PHF20: variants seen among roughly 807,000 people sequenced by gnomAD.
The protein encoded by PHF20 is glioma-expressed antigen 2.
PHF20 carries 23 observed loss-of-function variants against 113.5 expected under a neutral mutation model. The observed-to-expected ratio is 0.20, with a 90% CI of 0.15 to 0.29. The LOEUF is 0.29. PHF20 is among the 10% of genes least tolerant of loss of function. PHF20 has a pLI of 1.00. For missense variants in PHF20, 943 were observed against 1,219.6 expected, an observed-to-expected ratio of 0.77 and a Z score of 3.38; for synonymous variants, 434 against 457.3, an observed-to-expected ratio of 0.95 and a Z score of 0.65.
At chr20:35,784,627 G>T (rs918993229) in intron 1 of PHF20, among the ~76,000 whole-genome samples, 6 of 151,622 alleles carry the variant, frequency 4.0e-5, no homozygotes, top group African/African-American at 1.5e-4. Context: ...AACAGAGATG[G>T]AGTTTCACCA....
chr20:35,793,995 C>CAAAACAAAAAAAAAAAAAAAAAA lies in PHF20; in HGVS notation c.-32-7492_-32-7491insCAAAAAAAAAAAAAAAAAAAAAA, dbSNP rs1385077985. 2.7e-4 allele frequency among the ~76,000 whole-genome samples: 9 copies of CAAAACAAAAAAAAAAAAAAAAAA among 33,836 alleles called. 1 individual carries two copies. The highest frequency in any genetic ancestry group is 4.9e-4 in the Non-Finnish European group (9 of 18,292). The allele number at this position is 33,836 out of a possible 152,430, so 22.2% of individuals were successfully genotyped here. A position where few individuals can be genotyped will look rare whatever the true frequency, so the allele number is the denominator to read the frequency against. Reference sequence around the variant, plus strand: ...GGGCGACAAGAGCGGGACTCTGTCTCAAAAAAAAAAAAAAAAAAAAAAGGC... The same window carrying CAAAACAAAAAAAAAAAAAAAAAA: ...GGGCGACAAGAGCGGGACTCTGTCTCAAAACAAAAAAAAAAAAAAAAAAAAAAAAAAAAAAAAAAAAAAAAGGC... On this transcript the variant is annotated intron_variant, in intron 1 of 17. Coordinates refer to ENST00000374012, the MANE Select transcript of PHF20 (RefSeq NM_016436.5).
At chr20:35,894,038 A>C (rs956418106) in intron 9 of PHF20, among the ~76,000 whole-genome samples, 1 of 152,244 alleles carries the variant, frequency 6.6e-6, no homozygotes, top group African/African-American at 2.4e-5. Flanking sequence ...GTGTCATAGT[A>C]AAAGATGTCC....
At chr20:35,915,758 A>G (rs1418672054) in intron 12 of PHF20, among the ~76,000 whole-genome samples, 1 of 152,196 alleles carries the variant, frequency 6.6e-6, no homozygotes, top group East Asian at 1.9e-4. Flanking sequence ...AATGTGACAT[A>G]TGTGTTCATT....
intron 1 of PHF20, among the ~76,000 whole-genome samples, chr20:35,794,306 A>G (rs1405267024): frequency 1.3e-5 from 2 of 151,786 alleles, no homozygotes; most frequent in Non-Finnish European, 2.9e-5. Flanking sequence ...GTCTCAAAAA[A>G]AAAAAAAAAA....
chr20:35,800,738 T>A (rs1408678591), intron 1 of PHF20, among the ~76,000 whole-genome samples: 1 of 152,090 alleles, frequency 6.6e-6, no homozygotes, highest in Non-Finnish European at 1.5e-5. Context: ...ACCACTGCAC[T>A]CAGCCTGGGT....
intron 9 of PHF20, among the ~76,000 whole-genome samples, chr20:35,894,746 A>C (rs2054945571): frequency 6.6e-6 from 1 of 152,242 alleles, no homozygotes; most frequent in Non-Finnish European, 1.5e-5. Context: ...CAAGGGGTGT[A>C]GGTGGAAGAA....
chr20:35,846,733 T>C (rs73283065), intron 3 of PHF20, among the ~76,000 whole-genome samples: 2,089 of 152,282 alleles, frequency 0.014, 41 homozygotes, highest in African/African-American at 0.047. Context: ...CCAGACCTCT[T>C]GGGCTTATTG....
At chr20:35,857,744 C>T (rs374411799) in intron 4 of PHF20, among the ~76,000 whole-genome samples, 4 of 151,756 alleles carry the variant, frequency 2.6e-5, no homozygotes, top group African/African-American at 4.8e-5. Flanking sequence ...TGCCACCAAG[C>T]GCGGCTAATT....
chr20:35,938,904 C>T lies in PHF20; in HGVS notation c.2508C>T (p.Thr836=). ...LPRSVEESYI[T]SEHCYQKPRA... ...GTTCTGTGGAGGAATCCTATATCAC[C>T]AGTGAGCATTGCTACCAGAAGCCCC... Residue 836 remains threonine, a synonymous_variant, in exon 16 of 18, where the codon ACC becomes ACT. Transcript: ENST00000374012. The T allele has an allele frequency of 6.2e-7, 1 of 1,614,182 alleles. No homozygotes were observed. The highest frequency in any genetic ancestry group is 8.5e-7 in the Non-Finnish European group (1 of 1,180,016).
intron 1 of PHF20, among the ~76,000 whole-genome samples, chr20:35,775,373 GAC>G (rs1306379729): frequency 6.6e-6 from 1 of 152,000 alleles, no homozygotes. Flanking sequence ...TCTTTATCCA[GAC>G]ACACATCCCT....
In PHF20 at chr20:35,911,659, TTTTG is replaced by T. The variant is rs921850584; in HGVS notation, c.1562-1578_1562-1575del. Among the ~76,000 whole-genome samples, 9 of 152,226 alleles carry T rather than the reference TTTTG, an allele frequency of 5.9e-5. No individual in the cohort carries two copies. In the East Asian group the frequency reaches 9.6e-4, roughly 16 times the overall value. On this transcript the variant is annotated intron_variant, in intron 10 of 17. Transcript: ENST00000374012. Reference sequence around the variant, plus strand: ...AAGAGAAGAAGAAACGACTGGATTTTTTTGTTTGTTTGTTTTGGAGACAGATTCC... The same window carrying T: ...AAGAGAAGAAGAAACGACTGGATTTTTTTGTTTGTTTTGGAGACAGATTCC...
At chr20:35,858,225 C>G in intron 4 of PHF20, 77 bp from the exon 5 acceptor site, 1 of 752,682 alleles carries the variant, frequency 1.3e-6, no homozygotes, top group Non-Finnish European at 2.3e-6. Flanking sequence ...TTGGAGATCC[C>G]TTGTGTTTAT....
intron 1 of PHF20, chr20:35,774,571 T>C (rs1262120416): frequency 6.6e-6 from 1 of 152,270 alleles, no homozygotes. Flanking sequence ...GGGATAATGA[T>C]ACCTCTGACC....
chr20:35,866,211 A>G lies in PHF20; in HGVS notation c.808+2811A>G, dbSNP rs538760558. On this transcript the variant is annotated intron_variant, in intron 6 of 17. Coordinates refer to ENST00000374012, the MANE Select transcript of PHF20 (RefSeq NM_016436.5). ...GGTGACAGAGCGAGACTCCATCTCA[A>G]AAAAACAAAAAATAATAAAATAAAA... Among the ~76,000 whole-genome samples the G allele has an allele frequency of 2.6e-5, 4 of 152,194 alleles. No individual in the cohort carries two copies. In the South Asian group the frequency reaches 8.3e-4, roughly 32 times the overall value.
chr20:35,822,957 T>A (rs547868454), intron 2 of PHF20, among the ~76,000 whole-genome samples: 1 of 151,898 alleles, frequency 6.6e-6, no homozygotes, highest in East Asian at 1.9e-4. Context: ...GTACATTTAT[T>A]ACAGTTGATG....
chr20:35,772,273 G>T (rs1219742309), intron 1 of PHF20, among the ~76,000 whole-genome samples, 194 bp downstream of exon 1: 1 of 151,738 alleles, frequency 6.6e-6, no homozygotes, highest in Non-Finnish European at 1.5e-5. Flanking sequence ...AGCGTGGCGG[G>T]CGTGCGAGCG....
At chr20:35,879,506 A>T (rs1237842023) in intron 9 of PHF20, among the ~76,000 whole-genome samples, 1 of 152,214 alleles carries the variant, frequency 6.6e-6, no homozygotes, top group Non-Finnish European at 1.5e-5. Context: ...TTTCTGTAAC[A>T]ATCGTAAACA....
intron 9 of PHF20, among the ~76,000 whole-genome samples, chr20:35,893,653 T>TG (rs897161003): frequency 6.6e-5 from 10 of 151,944 alleles, no homozygotes; most frequent in African/African-American, 2.4e-4. Flanking sequence ...TGGCTCTTGT[T>TG]GCCCAGGCTG....
chr20:35,858,478 G>A (rs2042878119), intron 5 of PHF20, 97 bp downstream of exon 5: 1 of 636,032 alleles, frequency 1.6e-6, no homozygotes, highest in African/African-American at 1.8e-5. Flanking sequence ...ATGATAGCAA[G>A]TGTTTATTTC....
Sources: gnomAD v4.1 joint callset for allele counts (sites outside exome capture counted in the v4.1 genomes callset) on GRCh38, gnomAD v4.1.1 for gene constraint, MANE v1.5 for transcripts, NCBI Gene and HGNC (gene_info 2026-07-23, HGNC 2026-07-21) for gene names.